SIMC1: variants seen among roughly 807,000 people sequenced by gnomAD.
SIMC1 encodes the protein SUMO interacting motifs containing 1.
In SIMC1, 55 loss-of-function variants were observed where a neutral mutation model predicts 82.3. That is an observed-to-expected ratio of 0.67 (90% CI 0.54 to 0.84). SIMC1 has a LOEUF of 0.84. Ranked by LOEUF, SIMC1 falls within the 40% of genes least tolerant of loss-of-function variation. SIMC1 has a pLI of 0.00. For missense variants in SIMC1, 915 were observed against 1,107.2 expected (o/e 0.83, Z 2.46); for synonymous variants, 353 against 426.3 (o/e 0.83, Z 2.12).
intron 1 of SIMC1, among the ~76,000 whole-genome samples, chr5:176,245,056 A>T (rs1761392388): frequency 6.6e-6 from 1 of 152,172 alleles, no homozygotes; most frequent in African/African-American, 2.4e-5. Flanking sequence ...CTACTTATAT[A>T]TTAAAGATTG....
chr5:176,327,650 C>T (rs898938386), intron 7 of SIMC1, among the ~76,000 whole-genome samples: 7 of 152,122 alleles, frequency 4.6e-5, no homozygotes, highest in African/African-American at 2.4e-5. Flanking sequence ...TGAGAGTAGA[C>T]ATTATTGCCC....
At chr5:176,316,078 G>C (rs759607332) in intron 5 of SIMC1, among the ~76,000 whole-genome samples, 4 of 152,106 alleles carry the variant, frequency 2.6e-5, no homozygotes, top group Non-Finnish European at 5.9e-5. Flanking sequence ...GGGAGACCGA[G>C]ACAGGAGAAT....
chr5:176,326,057 A>G (rs1765381283), intron 7 of SIMC1, among the ~76,000 whole-genome samples: 1 of 152,228 alleles, frequency 6.6e-6, no homozygotes, highest in African/African-American at 2.4e-5. Flanking sequence ...ACTAGAATGA[A>G]TATGAATTCA....
In SIMC1 at chr5:176,244,702, GTTTCTTTTTTTTTTTCCTT is replaced by G. The variant is rs895311197; in HGVS notation, c.129+6069_129+6087del. 9.3e-5 allele frequency among the ~76,000 whole-genome samples: 12 copies of G among 128,542 alleles called. 1 individual carries two copies. Among genetic ancestry groups the G allele is most frequent in the African/African-American group, 3.2e-4 (11 of 34,868 alleles). The allele number at this position is 128,542 out of a possible 152,430, so 84.3% of individuals were successfully genotyped here. On this transcript the variant is annotated intron_variant, in intron 1 of 9. Transcript: ENST00000429602. Reference sequence around the variant, plus strand: ...CATTTTTCTGTTGCAGTGTTATAATGTTTCTTTTTTTTTTTCCTTTTTTTTTTTTTTTTTTTGAGAGGGA... The same window carrying G: ...CATTTTTCTGTTGCAGTGTTATAATGTTTTTTTTTTTTTTTTTGAGAGGGA...
chr5:176,315,310 T>C (rs1448982834), intron 5 of SIMC1, among the ~76,000 whole-genome samples: 1 of 152,098 alleles, frequency 6.6e-6, no homozygotes, highest in East Asian at 1.9e-4. Context: ...CAGTCGGCTC[T>C]CGAGTGAACT....
intron 1 of SIMC1, among the ~76,000 whole-genome samples, chr5:176,245,323 G>A (rs1212114553): frequency 6.6e-5 from 10 of 152,134 alleles, no homozygotes; most frequent in Non-Finnish European, 4.4e-5. Flanking sequence ...AAGGAACACC[G>A]AGGACTGCTG....
intron 4 of SIMC1, chr5:176,308,549 C>T: frequency 6.2e-7 from 1 of 1,600,108 alleles, no homozygotes; most frequent in Non-Finnish European, 8.5e-7. Flanking sequence ...AAGATAAGAA[C>T]ACAAGGGCTG....
rs866429346 is a variant in SIMC1, at chr5:176,305,678, C to T, written c.1735-8013C>T. 4.3e-3 allele frequency among the ~76,000 whole-genome samples: 475 copies of T among 109,810 alleles called. 2 individuals are homozygous for T. Among genetic ancestry groups the T allele is most frequent in the African/African-American group, 0.016 (430 of 26,874 alleles). 72.0% of individuals were successfully genotyped at this position (109,810 alleles called of 152,430 possible). ...CTGGGAAGTGAGGAGCCCCTCTGCC[C>T]GGCCAGCCGCCCCGTCCGGGAGGGA... On this transcript the variant is annotated intron_variant, in intron 4 of 9. Coordinates refer to ENST00000429602, the MANE Select transcript of SIMC1 (RefSeq NM_001308195.2).
At chr5:176,274,097 T>C (rs1176228379) in intron 1 of SIMC1, among the ~76,000 whole-genome samples, 1 of 148,826 alleles carries the variant, frequency 6.7e-6, no homozygotes, top group African/African-American at 2.5e-5. Context: ...TCCACAATGG[T>C]TGAACTAGTT....
chr5:176,334,578 G>T (rs1376002770), intron 7 of SIMC1, among the ~76,000 whole-genome samples: 1 of 152,132 alleles, frequency 6.6e-6, no homozygotes, highest in African/African-American at 2.4e-5. Context: ...CCCTACACAT[G>T]TGCCAACAGG....
At chr5:176,272,060 G>A (rs1370948981) in intron 1 of SIMC1, among the ~76,000 whole-genome samples, 1 of 143,550 alleles carries the variant, frequency 7.0e-6, no homozygotes, top group Non-Finnish European at 1.5e-5. Context: ...AAAAAAACAA[G>A]GGCCAGGCAC....
At chr5:176,316,867 A>G (rs1313570647) in intron 5 of SIMC1, among the ~76,000 whole-genome samples, 1 of 151,998 alleles carries the variant, frequency 6.6e-6, no homozygotes, top group Non-Finnish European at 1.5e-5. Flanking sequence ...CACTTCTGTA[A>G]TCCCAGCTAC....
At chr5:176,276,290 T>G (rs1762690742) in intron 1 of SIMC1, among the ~76,000 whole-genome samples, 1 of 151,588 alleles carries the variant, frequency 6.6e-6, no homozygotes, top group Admixed American at 6.6e-5. Context: ...CTGATGGTAG[T>G]TTGTATTTCT....
chr5:176,308,556 G>C, intron 4 of SIMC1: 1 of 1,596,900 alleles, frequency 6.3e-7, no homozygotes, highest in South Asian at 1.1e-5. Context: ...GAACACAAGG[G>C]CTGGCCGGGT....
intron 5 of SIMC1, among the ~76,000 whole-genome samples, chr5:176,319,458 C>T (rs1348016353): frequency 6.6e-6 from 1 of 151,488 alleles, no homozygotes; most frequent in East Asian, 2.0e-4. Flanking sequence ...CGCTTGAGCT[C>T]AGGAGTTCAG....
chr5:176,329,416 A>G (rs1765534440), intron 7 of SIMC1, among the ~76,000 whole-genome samples: 1 of 151,126 alleles, frequency 6.6e-6, no homozygotes, highest in Non-Finnish European at 1.5e-5. Context: ...GCTTGCAGTG[A>G]GCAGAGATAG....
intron 2 of SIMC1, among the ~76,000 whole-genome samples, chr5:176,292,175 T>G (rs1453992695): frequency 6.6e-6 from 1 of 152,202 alleles, no homozygotes; most frequent in Non-Finnish European, 1.5e-5. Flanking sequence ...CCAAAATTAT[T>G]ACTTGCTGAC....
intron 5 of SIMC1, among the ~76,000 whole-genome samples, chr5:176,315,338 C>T (rs528981144): frequency 6.6e-6 from 1 of 152,284 alleles, no homozygotes; most frequent in South Asian, 2.1e-4. Flanking sequence ...TGAGAACTCA[C>T]TCGTTACCAT....
chr5:176,247,430 C>T (rs1761488342), intron 1 of SIMC1, among the ~76,000 whole-genome samples: 1 of 151,948 alleles, frequency 6.6e-6, no homozygotes, highest in Admixed American at 6.6e-5. Context: ...CTGTTTATAT[C>T]CTTCGCCCAC....
Sources: gnomAD v4.1 joint callset for allele counts (sites outside exome capture counted in the v4.1 genomes callset) on GRCh38, gnomAD v4.1.1 for gene constraint, MANE v1.5 for transcripts, NCBI Gene and HGNC (gene_info 2026-07-23, HGNC 2026-07-21) for gene names.